RELL1: variants seen among roughly 807,000 people sequenced by gnomAD.
The protein encoded by RELL1 is RELT-like protein 1.
RELL1 carries 10 observed loss-of-function variants against 23.0 expected under a neutral mutation model. That is an observed-to-expected ratio of 0.43 (90% CI 0.27 to 0.74). The LOEUF is 0.74. Among genes scored for constraint, RELL1 ranks in the 30% least tolerant of loss-of-function variants. The pLI is 0.19. For missense variants in RELL1, 315 were observed against 364.4 expected, an observed-to-expected ratio of 0.86 and a Z score of 1.10; for synonymous variants, 146 against 146.8, an observed-to-expected ratio of 0.99 and a Z score of 0.04.
At chr4:37,643,449 A>C (rs1720593786) in intron 3 of RELL1, among the ~76,000 whole-genome samples, 1 of 152,242 alleles carries the variant, frequency 6.6e-6, no homozygotes, top group Non-Finnish European at 1.5e-5. Flanking sequence ...CGAAGCAGAA[A>C]CCATTCATAT....
chr4:37,668,240 T>A (rs1343125691), intron 1 of RELL1, among the ~76,000 whole-genome samples: 2 of 91,200 alleles, frequency 2.2e-5, no homozygotes, highest in Non-Finnish European at 4.2e-5. Flanking sequence ...CTCTCCCCTC[T>A]TTCCACGGTC....
At chr4:37,590,237 C>G, downstream of RELL1, 1 of 1,614,158 alleles carries the variant, frequency 6.2e-7, no homozygotes, top group Non-Finnish European at 8.5e-7. Context: ...AGGCAGGGCT[C>G]AAAGAAGACT....
chr4:37,601,217 T>G (rs1168021762), intron 6 of RELL1, among the ~76,000 whole-genome samples: 1 of 152,174 alleles, frequency 6.6e-6, no homozygotes, highest in Non-Finnish European at 1.5e-5. Context: ...TCGAATGTTA[T>G]AAACAATATG....
rs763864047 is a variant in RELL1, at chr4:37,649,455, G to A, written c.134C>T (p.Pro45Leu). 5 of 1,613,974 alleles carry A rather than the reference G, an allele frequency of 3.1e-6. No individual in the cohort carries two copies. In the East Asian group the frequency reaches 8.9e-5, roughly 29 times the overall value. The change falls in exon 2 of 7, where the codon CCG becomes CTG. Residue 45 changes from proline to leucine, a missense_variant. Transcript: ENST00000454158. Reference sequence around the variant, plus strand: ...ATTCCCAGTATCGTTGCTGGGCGACGGGGTCGTCTCTGTTCTGGAGTGCAA... The same window carrying A: ...ATTCCCAGTATCGTTGCTGGGCGACAGGGTCGTCTCTGTTCTGGAGTGCAA... ...RTLHSRTETTPSPSNDTGNGH... is the reference protein window; with the variant it reads ...RTLHSRTETTLSPSNDTGNGH...
At chr4:37,638,550 G>A in intron 3 of RELL1, 46 bp from the exon 4 acceptor site, 1 of 1,391,334 alleles carries the variant, frequency 7.2e-7, no homozygotes, top group East Asian at 2.4e-5. Flanking sequence ...GAATGAATAA[G>A]ATGAGTAATC....
chr4:37,661,929 G>A (rs965371110), intron 1 of RELL1, among the ~76,000 whole-genome samples: 7 of 152,036 alleles, frequency 4.6e-5, no homozygotes, highest in South Asian at 2.1e-4. Context: ...ACCTTTCCCC[G>A]AAAAGGCAGC....
chr4:37,594,277 T>C lies in RELL1; in HGVS notation c.*4-3060A>G, dbSNP rs1227195453. 2.0e-5 allele frequency among the ~76,000 whole-genome samples: 3 copies of C among 152,212 alleles called. No homozygotes were observed. In the South Asian group the frequency reaches 6.2e-4, roughly 31 times the overall value. ...ACAGTGAGCTGTCTGAGCACGCTTA[T>C]GTGTGTAGTGTCTTCTTTCTGCAGC... On this transcript the variant is annotated intron_variant, in intron 6 of 6. Transcript: ENST00000314117.
intron 1 of RELL1, among the ~76,000 whole-genome samples, chr4:37,678,381 T>C (rs1394268370): frequency 6.6e-6 from 1 of 152,212 alleles, no homozygotes; most frequent in African/African-American, 2.4e-5. Context: ...TATATCACCT[T>C]ATAAAGGTAA....
chr4:37,646,746 T>C (rs753439910), intron 3 of RELL1, among the ~76,000 whole-genome samples: 5 of 152,114 alleles, frequency 3.3e-5, no homozygotes, highest in Non-Finnish European at 5.9e-5. Flanking sequence ...ATTTCTTTTT[T>C]TGACAGAGTC....
At chr4:37,633,337 A>T (rs536144534) in intron 5 of RELL1, among the ~76,000 whole-genome samples, 64 of 134,802 alleles carry the variant, frequency 4.7e-4, no homozygotes, top group African/African-American at 1.7e-3. Flanking sequence ...TGAGCCCAGG[A>T]GGCAGAGGCT....
downstream of RELL1, among the ~76,000 whole-genome samples, chr4:37,607,931 G>GTGT (rs1488724157): frequency 2.9e-4 from 44 of 152,224 alleles, no homozygotes; most frequent in African/African-American, 1.0e-3. Flanking sequence ...TCATGTCCCT[G>GTGT]TGTCACATAT....
chr4:37,627,102 A>G (rs1719979935), intron 6 of RELL1, among the ~76,000 whole-genome samples: 2 of 152,242 alleles, frequency 1.3e-5, no homozygotes, highest in Admixed American at 1.3e-4. Context: ...CGCAGTGTAC[A>G]CACATTTGAA....
chr4:37,673,754 G>A (rs569729934), intron 1 of RELL1, among the ~76,000 whole-genome samples: 1 of 152,188 alleles, frequency 6.6e-6, no homozygotes, highest in African/African-American at 2.4e-5. Flanking sequence ...GTCTCCTTTC[G>A]GCTCAGCCTC....
chr4:37,596,678 T>C (rs1718854890), intron 6 of RELL1, among the ~76,000 whole-genome samples: 1 of 125,622 alleles, frequency 8.0e-6, no homozygotes, highest in Non-Finnish European at 1.6e-5. Flanking sequence ...CTAGTATATA[T>C]AAAAGCTCTC....
intron 1 of RELL1, among the ~76,000 whole-genome samples, chr4:37,671,724 G>GCCCGGA (rs58608873): frequency 6.6e-6 from 1 of 152,092 alleles, no homozygotes; most frequent in South Asian, 2.1e-4. Context: ...CAGCCCCGAG[G>GCCCGGA]GCTGCTGTGG....
intron 4 of RELL1, among the ~76,000 whole-genome samples, chr4:37,637,724 G>A (rs1025138254): frequency 3.3e-5 from 5 of 152,150 alleles, no homozygotes; most frequent in African/African-American, 9.7e-5. Flanking sequence ...GCACACAGTA[G>A]GCATCCAATA....
At chr4:37,631,266 G>T in intron 6 of RELL1, 119 bp downstream of exon 6, 1 of 1,135,202 alleles carries the variant, frequency 8.8e-7, no homozygotes, top group Non-Finnish European at 1.3e-6. Flanking sequence ...GTCAAGGAAA[G>T]CTCTCCCACT....
At chr4:37,685,844 GC>G (rs1722386022) in intron 1 of RELL1, among the ~76,000 whole-genome samples, 1 of 152,278 alleles carries the variant, frequency 6.6e-6, no homozygotes, top group African/African-American at 2.4e-5. Context: ...GAGGACAAGG[GC>G]GGCGGGAAAC....
chr4:37,597,286 G>T (rs892397635), intron 6 of RELL1, among the ~76,000 whole-genome samples: 7 of 152,128 alleles, frequency 4.6e-5, no homozygotes, highest in African/African-American at 1.4e-4. Context: ...GGCAGACAAA[G>T]AATTTTACTT....
Sources: gnomAD v4.1 joint callset for allele counts (sites outside exome capture counted in the v4.1 genomes callset) on GRCh38, gnomAD v4.1.1 for gene constraint, MANE v1.5 for transcripts, NCBI Gene and HGNC (gene_info 2026-07-23, HGNC 2026-07-21) for gene names.